Variants in STARD13 observed in about 807,000 individuals in gnomAD.
STARD13 encodes stAR-related lipid transfer protein 13.
A neutral mutation model predicts 106.4 loss-of-function variants in STARD13; 62 were observed. That is an observed-to-expected ratio of 0.58 (90% CI 0.48 to 0.72). The LOEUF (loss-of-function observed/expected upper bound fraction) is 0.72, where lower values mean the gene tolerates loss of function less well. STARD13 is among the 30% of genes least tolerant of loss of function. The pLI is 0.00. For missense variants in STARD13, 1,387 were observed against 1,424.0 expected, an observed-to-expected ratio of 0.97 and a Z score of 0.42; for synonymous variants, 565 against 553.0, an observed-to-expected ratio of 1.02 and a Z score of -0.31.
At chr13:33,186,841 T>C (rs760235854) in intron 1 of STARD13, among the ~76,000 whole-genome samples, 3 of 152,230 alleles carry the variant, frequency 2.0e-5, no homozygotes, top group Non-Finnish European at 4.4e-5. Context: ...TAATGGCTTC[T>C]ATTAGCACAA....
At chr13:33,344,115 G>T (rs143306297), downstream of STARD13, among the ~76,000 whole-genome samples, 46 of 151,806 alleles carry the variant, frequency 3.0e-4, no homozygotes, top group African/African-American at 1.0e-3. Context: ...GAAATCTTCT[G>T]CAGGGCTTTT....
intron 1 of STARD13, among the ~76,000 whole-genome samples, chr13:33,173,955 T>C (rs535533221): frequency 1.3e-5 from 2 of 152,210 alleles, no homozygotes; most frequent in Non-Finnish European, 1.5e-5. Flanking sequence ...ATGAGAGATG[T>C]GTTGAGACAT....
chr13:33,140,697 G>T (rs1318436499), intron 4 of STARD13, among the ~76,000 whole-genome samples: 2 of 151,716 alleles, frequency 1.3e-5, no homozygotes, highest in Non-Finnish European at 2.9e-5. Context: ...TTACTAAGGG[G>T]TAACTTAAAA....
At chr13:33,555,917 G>A in the STARD13 span, among the ~76,000 whole-genome samples, 8 of 152,116 alleles carry the variant, frequency 5.3e-5, no homozygotes, top group Admixed American at 1.3e-4. Flanking sequence ...GTCTGATGTG[G>A]TATTCCTGAG....
At chr13:33,370,788 T>C in the STARD13 span, among the ~76,000 whole-genome samples, 1 of 151,774 alleles carries the variant, frequency 6.6e-6, no homozygotes, top group Non-Finnish European at 1.5e-5. Flanking sequence ...CTGGCTGATT[T>C]TTTTTGTATT....
chr13:33,156,483 G>A lies in STARD13; in HGVS notation c.323+8854C>T, dbSNP rs77684210. On this transcript the variant is annotated intron_variant, in intron 3 of 13. Coordinates refer to ENST00000336934, the MANE Select transcript of STARD13 (RefSeq NM_178006.4). ...TTCATAGAGTGGGGTGGGGAAGGGG[G>A]AAGATGGCTTTTCTGCACATTAATT... 1.2e-3 allele frequency among the ~76,000 whole-genome samples: 181 copies of A among 152,270 alleles called. 1 individual carries two copies. In the East Asian group the frequency reaches 0.028, roughly 23 times the overall value.
intron 1 of STARD13, among the ~76,000 whole-genome samples, chr13:33,244,614 C>CT (rs1242226167): frequency 1.3e-5 from 2 of 152,064 alleles, no homozygotes; most frequent in African/African-American, 2.4e-5. Context: ...CTGAAGAGGT[C>CT]TTTCAGCTTT....
At chr13:33,142,516 G>A (rs1191601598) in intron 3 of STARD13, 143 bp from the exon 4 acceptor site, 7 of 718,048 alleles carry the variant, frequency 9.7e-6, no homozygotes, top group Admixed American at 6.5e-5. Context: ...CCCACAGAAG[G>A]TATGCTATAT....
the STARD13 span, among the ~76,000 whole-genome samples, chr13:33,558,663 C>A: frequency 2.7e-5 from 4 of 146,956 alleles, no homozygotes; most frequent in African/African-American, 1.1e-4. Flanking sequence ...TGCTCAGAAG[C>A]TAATGTTTCA....
At chr13:33,599,761 A>T in the STARD13 span, among the ~76,000 whole-genome samples, 16 of 152,222 alleles carry the variant, frequency 1.1e-4, no homozygotes, top group African/African-American at 3.9e-4. Context: ...ACATAATGCC[A>T]TTTAATAAAT....
chr13:33,321,796 T>A (rs1053307753), intron 1 of STARD13, among the ~76,000 whole-genome samples: 3 of 152,196 alleles, frequency 2.0e-5, no homozygotes, highest in Admixed American at 6.5e-5. Context: ...CAAATTCATC[T>A]CCTCTGAGAA....
the STARD13 span, among the ~76,000 whole-genome samples, chr13:33,647,543 A>G: frequency 6.6e-6 from 1 of 152,172 alleles, no homozygotes; most frequent in Admixed American, 6.5e-5. Flanking sequence ...CCATAAATTG[A>G]TCTAATTCTT....
chr13:33,223,333 C>T (rs1256437151), intron 1 of STARD13, among the ~76,000 whole-genome samples: 1 of 152,160 alleles, frequency 6.6e-6, no homozygotes, highest in African/African-American at 2.4e-5. Context: ...ATATGTAAGA[C>T]ACTTCTGGTT....
chr13:33,626,963 A>G, the STARD13 span, among the ~76,000 whole-genome samples: 2,152 of 152,374 alleles, frequency 0.014, 46 homozygotes, highest in African/African-American at 0.047. Context: ...TAAAGAATCC[A>G]TAAAACTTAG....
rs74045717 is a variant in STARD13, at chr13:33,224,810, C to T, written c.170-57188G>A. ...AACATCAGCAATATTGACTAGAACA[C>T]AAATGAGATGTAAAACATCACCATC... On this transcript the variant is annotated intron_variant, in intron 1 of 13. Coordinates refer to ENST00000336934, the MANE Select transcript of STARD13 (RefSeq NM_178006.4). Among the ~76,000 whole-genome samples the T allele has an allele frequency of 2.8e-3, 427 of 152,328 alleles. 3 individuals carry two copies. Among genetic ancestry groups the T allele is most frequent in the African/African-American group, 9.9e-3 (411 of 41,586 alleles).
intron 1 of STARD13, among the ~76,000 whole-genome samples, chr13:33,339,580 C>T (rs188137886): frequency 6.6e-6 from 1 of 152,328 alleles, no homozygotes; most frequent in East Asian, 1.9e-4. Flanking sequence ...AAAGGCTACA[C>T]ATACACTTTT....
At chr13:33,439,989 T>C in the STARD13 span, among the ~76,000 whole-genome samples, 1 of 152,218 alleles carries the variant, frequency 6.6e-6, no homozygotes, top group Non-Finnish European at 1.5e-5. Context: ...ATTTATACAA[T>C]ACAGGCCTTG....
chr13:33,406,525 T>C, the STARD13 span, among the ~76,000 whole-genome samples: 2 of 152,208 alleles, frequency 1.3e-5, no homozygotes, highest in Admixed American at 1.3e-4. Flanking sequence ...TGTGTTTCTG[T>C]TTAAGGATGC....
At chr13:33,468,541 T>G in the STARD13 span, among the ~76,000 whole-genome samples, 7 of 152,106 alleles carry the variant, frequency 4.6e-5, no homozygotes, top group Non-Finnish European at 7.4e-5. Flanking sequence ...AGTGGCTTCC[T>G]TATAAAAGGA....
Sources: gnomAD v4.1 joint callset for allele counts (sites outside exome capture counted in the v4.1 genomes callset) on GRCh38, gnomAD v4.1.1 for gene constraint, MANE v1.5 for transcripts, NCBI Gene and HGNC (gene_info 2026-07-23, HGNC 2026-07-21) for gene names.